TET3: variants seen among roughly 807,000 people sequenced by gnomAD.
The protein encoded by TET3 is methylcytosine dioxygenase TET3.
In TET3, 19 loss-of-function variants were observed where a neutral mutation model predicts 141.4. The ratio of observed to expected loss-of-function variants is 0.13; its 90% CI spans 0.09 to 0.20. The LOEUF (loss-of-function observed/expected upper bound fraction) is 0.20, where lower values mean the gene tolerates loss of function less well. Ranked by LOEUF, TET3 falls within the 10% of genes least tolerant of loss-of-function variation. The pLI is 1.00. For synonymous variants in TET3, 1,043 were observed against 980.9 expected (o/e 1.06, Z -1.18); for missense variants, 1,874 against 2,356.9 (o/e 0.80, Z 4.24).
chr2:73,993,716 T>G (rs960488186), intron 2 of TET3: 10 of 152,084 alleles, frequency 6.6e-5, no homozygotes, highest in African/African-American at 9.7e-5. Flanking sequence ...GTAAAACCTA[T>G]CAATAAAACT....
chr2:74,130,094 CAAAAA>C, the TET3 span, among the ~76,000 whole-genome samples: 3 of 126,662 alleles, frequency 2.4e-5, no homozygotes, highest in South Asian at 2.6e-4. Context: ...GAGTCTGTCT[CAAAAA>C]AAAAAAAAAA....
intron 10 of TET3, among the ~76,000 whole-genome samples, chr2:74,097,896 CT>C (rs1355173113): frequency 6.6e-6 from 1 of 152,004 alleles, no homozygotes; most frequent in Non-Finnish European, 1.5e-5. Context: ...TTAAGTAGCC[CT>C]GGGAGGGGCA....
intron 4 of TET3, among the ~76,000 whole-genome samples, chr2:74,057,752 C>A (rs1418887413): frequency 6.6e-6 from 1 of 152,176 alleles, no homozygotes; most frequent in Non-Finnish European, 1.5e-5. Flanking sequence ...TCAGTTCTGT[C>A]AAGGGGGAGA....
At position 74,034,973 on chromosome 2, in the gene TET3, C is replaced by T. The variant is rs149307661; in HGVS notation, c.361-11305C>T. 8.8e-4 allele frequency among the ~76,000 whole-genome samples: 132 copies of T among 149,626 alleles called. 1 individual carries two copies. The highest frequency in any genetic ancestry group is 3.4e-3 in the Middle Eastern group (1 of 290). On this transcript the variant is annotated intron_variant, in intron 3 of 11. Coordinates refer to ENST00000409262, the MANE Select transcript of TET3 (RefSeq NM_001287491.2). Reference sequence around the variant, plus strand: ...TTAGGAGGCTGAGGCAAGCAGATCACGAGGTCAGTAGACCAAGACCATCCT... The same window carrying T: ...TTAGGAGGCTGAGGCAAGCAGATCATGAGGTCAGTAGACCAAGACCATCCT...
intron 3 of TET3, among the ~76,000 whole-genome samples, chr2:74,028,340 T>C (rs1686491939): frequency 6.6e-6 from 1 of 152,176 alleles, no homozygotes; most frequent in African/African-American, 2.4e-5. Flanking sequence ...TTTTTAATTT[T>C]GATGAAGTAC....
intron 4 of TET3, among the ~76,000 whole-genome samples, chr2:74,062,360 C>T (rs1428175288): frequency 2.0e-5 from 3 of 152,150 alleles, no homozygotes; most frequent in Non-Finnish European, 4.4e-5. Context: ...GAGAGGCTGG[C>T]GATGAACACT....
intron 4 of TET3, among the ~76,000 whole-genome samples, chr2:74,050,198 C>G (rs1050940426): frequency 2.6e-5 from 4 of 152,128 alleles, no homozygotes; most frequent in Admixed American, 2.0e-4. Context: ...AATTTGCATC[C>G]CAACTCCATC....
intron 3 of TET3, among the ~76,000 whole-genome samples, chr2:74,013,199 T>C (rs1685555895): frequency 6.6e-6 from 1 of 152,046 alleles, no homozygotes; most frequent in Non-Finnish European, 1.5e-5. Context: ...TTTCACCATG[T>C]TGGCCAGGAT....
chr2:74,102,048 C>T lies in TET3; in HGVS notation c.5260C>T (p.Pro1754Ser). The T allele has an allele frequency of 6.5e-7, 1 of 1,537,172 alleles. No individual in the cohort carries two copies. Among genetic ancestry groups the T allele is most frequent in the Non-Finnish European group, 8.7e-7 (1 of 1,143,286 alleles). Reference protein sequence around the residue: ...RKWGGTVVAEPQQKEKKGVVP... With the variant: ...RKWGGTVVAESQQKEKKGVVP... ...GTGGGGGGGCACTGTGGTTGCTGAG[C>T]CCCAGCAGAAAGAGAAGAAGGGGGT... Residue 1754 changes from proline to serine, a missense_variant, in exon 12 of 12, where the codon CCC becomes TCC. By Grantham distance (74) the Pro-to-Ser change is moderately conservative. This residue lies in a region of TET3 where 113 missense variants were observed against 114.3 expected (regional missense o/e 0.99). Coordinates refer to ENST00000409262, the MANE Select transcript of TET3 (RefSeq NM_001287491.2).
the TET3 span, chr2:74,120,961 A>G: frequency 6.6e-6 from 1 of 152,186 alleles, no homozygotes; most frequent in African/African-American, 2.4e-5. Flanking sequence ...GGGCATGTTC[A>G]AAACCAAAAG....
At chr2:74,135,400 T>C in the TET3 span, 1 of 908,380 alleles carries the variant, frequency 1.1e-6, no homozygotes, top group Non-Finnish European at 1.7e-6. Flanking sequence ...ACATTACTAA[T>C]GACCCTTCAA....
intron 3 of TET3, among the ~76,000 whole-genome samples, chr2:74,015,932 C>G (rs1685701760): frequency 6.6e-6 from 1 of 152,160 alleles, no homozygotes; most frequent in African/African-American, 2.4e-5. Flanking sequence ...AAACGTTAGC[C>G]ATTTTGCATT....
At chr2:74,057,144 C>T (rs1000323035) in intron 4 of TET3, among the ~76,000 whole-genome samples, 2 of 152,064 alleles carry the variant, frequency 1.3e-5, no homozygotes, top group Non-Finnish European at 2.9e-5. Flanking sequence ...GGCTATTGTA[C>T]AAAGAAAAAA....
At chr2:73,987,944 T>G (rs1199289009) in intron 2 of TET3, among the ~76,000 whole-genome samples, 3 of 152,144 alleles carry the variant, frequency 2.0e-5, no homozygotes, top group South Asian at 4.1e-4. Context: ...AAGATTCAAG[T>G]GTTGAGGACA....
At chr2:74,027,010 C>T (rs531337822) in intron 3 of TET3, among the ~76,000 whole-genome samples, 141 of 152,320 alleles carry the variant, frequency 9.3e-4, no homozygotes, top group African/African-American at 3.3e-3. Flanking sequence ...GAAAAGGGAC[C>T]ACCACTACTT....
rs1314007418 is a variant in TET3 at position 74,101,313 on chromosome 2, C to T, written c.4525C>T (p.Arg1509Ter). Residue 1509 changes from arginine to a stop codon, truncating the protein, a stop_gained, in exon 12 of 12, where the codon CGA becomes TGA. Transcript: ENST00000409262. LOFTEE classifies it high-confidence loss of function. The surrounding 1 kb of genome is among the most constrained non-coding windows in gnomAD (Gnocchi z 8.5). ...AGCTTCCCACTCTGGAGGACGGCTG[C>T]GAGGCAAACCGTGGAGCCCCTGCAA... ...QAASHSGGRL[R>*]GKPWSPCKFG... is the part of the protein sequence containing the mutation. 1 of 1,613,358 alleles carries T rather than the reference C, an allele frequency of 6.2e-7. No homozygotes were observed. The highest frequency in any genetic ancestry group is 8.5e-7 in the Non-Finnish European group (1 of 1,179,688).
intron 3 of TET3, among the ~76,000 whole-genome samples, chr2:74,043,741 C>T (rs1342109326): frequency 2.0e-5 from 3 of 152,124 alleles, no homozygotes; most frequent in Non-Finnish European, 2.9e-5. Context: ...ACAGGAACTG[C>T]GGGCTGGGGC....
intron 3 of TET3, among the ~76,000 whole-genome samples, chr2:74,029,652 A>G (rs1686563460): frequency 6.6e-6 from 1 of 152,140 alleles, no homozygotes; most frequent in South Asian, 2.1e-4. Flanking sequence ...GCAGTGGGAG[A>G]TTTTTACATC....
intron 3 of TET3, among the ~76,000 whole-genome samples, chr2:74,035,777 C>T (rs1452476387): frequency 2.0e-5 from 3 of 150,082 alleles, no homozygotes; most frequent in East Asian, 2.0e-4. Flanking sequence ...TTTGGGAGGC[C>T]GAGGTGGGTG....
Sources: allele counts gnomAD v4.1 joint callset (sites outside exome capture counted in the v4.1 genomes callset), GRCh38; gene constraint gnomAD v4.1.1; regional missense constraint gnomAD v4.1.1; non-coding constraint Gnocchi (gnomAD v3.1); transcripts MANE v1.5; gene names NCBI Gene and HGNC (gene_info 2026-07-23, HGNC 2026-07-21).